NIPAL2: variants seen among roughly 807,000 people sequenced by gnomAD.
NIPAL2 encodes NIPA-like protein 2.
In NIPAL2, 43 loss-of-function variants were observed where a neutral mutation model predicts 48.9. The ratio of observed to expected loss-of-function variants is 0.88; its 90% confidence interval spans 0.69 to 1.13. The LOEUF (loss-of-function observed/expected upper bound fraction) is 1.13, where lower values mean the gene tolerates loss of function less well. Ranked by LOEUF, NIPAL2 falls within the 50% of genes most tolerant of loss-of-function variation. NIPAL2 has a pLI of 0.00. For synonymous variants in NIPAL2, 167 were observed against 174.6 expected (o/e 0.96, Z 0.34); for missense variants, 446 against 461.4 (o/e 0.97, Z 0.31).
chr8:98,227,760 G>A (rs1452536102), intron 4 of NIPAL2, among the ~76,000 whole-genome samples: 2 of 152,220 alleles, frequency 1.3e-5, no homozygotes, highest in East Asian at 3.9e-4. Flanking sequence ...TGCCCAGCTG[G>A]TGTCTCACTG....
At position 98,190,860 on chromosome 8, in the gene NIPAL2, A is replaced by C. The variant is rs562724970; in HGVS notation, c.*2118T>G. On this transcript the variant is annotated 3_prime_UTR_variant, in exon 11 of 11. Coordinates refer to ENST00000430223, the MANE Select transcript of NIPAL2 (RefSeq NM_001321635.2). Reference sequence around the variant, plus strand: ...ACAGTTGGCTAAAGGTCCTCAACTCACAATGCCAAGAGAAGGACTGAGTTG... The same window carrying C: ...ACAGTTGGCTAAAGGTCCTCAACTCCCAATGCCAAGAGAAGGACTGAGTTG... 6.6e-6 allele frequency: 1 copy of C among 152,348 alleles called. No individual in the cohort carries two copies. The highest frequency in any genetic ancestry group is 1.5e-5 in the Non-Finnish European group (1 of 68,040). 9.4% of individuals were successfully genotyped at this position (152,348 alleles called of 1,614,324 possible).
chr8:98,291,171 C>G (rs940337420), intron 1 of NIPAL2, among the ~76,000 whole-genome samples: 2 of 152,168 alleles, frequency 1.3e-5, no homozygotes, highest in Non-Finnish European at 2.9e-5. Context: ...ACCAGTCCTT[C>G]AAAGCAACCC....
intron 3 of NIPAL2, among the ~76,000 whole-genome samples, chr8:98,250,113 C>G (rs1008980494): frequency 3.9e-5 from 6 of 152,124 alleles, no homozygotes; most frequent in Non-Finnish European, 5.9e-5. Context: ...GTCTCTCTCT[C>G]TCTCTGTCTC....
rs1047607018 is a variant in NIPAL2 at position 98,189,842 on chromosome 8, T to G, written c.*3136A>C. ...CATTCTGGGTCACTGCTTGAGAAAT[T>G]TTTTTATTGTATTTGTTTTCAAGTG... On this transcript the variant is annotated 3_prime_UTR_variant, in exon 11 of 11. Transcript: ENST00000430223. 6.6e-6 allele frequency: 1 copy of G among 152,162 alleles called. No individual in the cohort carries two copies. Among genetic ancestry groups the G allele is most frequent in the Non-Finnish European group, 1.5e-5 (1 of 68,034 alleles). 9.4% of individuals were successfully genotyped at this position (152,162 alleles called of 1,614,324 possible). A position where few individuals can be genotyped will look rare whatever the true frequency, so the allele number is the denominator to read the frequency against.
intron 1 of NIPAL2, among the ~76,000 whole-genome samples, chr8:98,277,999 T>C (rs1327735927): frequency 1.3e-5 from 2 of 152,234 alleles, no homozygotes; most frequent in Non-Finnish European, 2.9e-5. Flanking sequence ...TAAAATTCTT[T>C]GAATTGCAAA....
chr8:98,252,654 C>A lies in NIPAL2; in HGVS notation c.205-20G>T. Reference sequence around the variant, plus strand: ...ATATTTCTGAAAGTAAATCAGAAGACAAATAAGAAAACATTCTGAGCTATG... The same window carrying A: ...ATATTTCTGAAAGTAAATCAGAAGAAAAATAAGAAAACATTCTGAGCTATG... On this transcript the variant is annotated intron_variant, in intron 2 of 10. Transcript: ENST00000430223. 1 of 1,596,096 alleles carries A rather than the reference C, an allele frequency of 6.3e-7. No individual in the cohort carries two copies. Among genetic ancestry groups the A allele is most frequent in the Non-Finnish European group, 8.5e-7 (1 of 1,173,774 alleles).
chr8:98,231,978 C>T (rs978782270), intron 4 of NIPAL2: 1 of 152,060 alleles, frequency 6.6e-6, no homozygotes, highest in Non-Finnish European at 1.5e-5. Flanking sequence ...TGGTTTTAGT[C>T]CCTATAAAGA....
At chr8:98,230,551 T>C (rs1023376247) in intron 4 of NIPAL2, among the ~76,000 whole-genome samples, 1 of 152,242 alleles carries the variant, frequency 6.6e-6, no homozygotes, top group Non-Finnish European at 1.5e-5. Flanking sequence ...TTTCTAAACA[T>C]ATTTGACCAT....
intron 3 of NIPAL2, among the ~76,000 whole-genome samples, chr8:98,247,581 G>A (rs1813374840): frequency 6.6e-6 from 1 of 152,188 alleles, no homozygotes; most frequent in South Asian, 2.1e-4. Flanking sequence ...CTGACAGATG[G>A]TCCCAGATTG....
intron 1 of NIPAL2, among the ~76,000 whole-genome samples, chr8:98,269,980 T>G (rs1597688): frequency 0.74 from 111,904 of 152,046 alleles, 43,605 homozygotes; most frequent in Non-Finnish European, 0.86. Context: ...GATAACAGTA[T>G]CCAGCTGAAT....
chr8:98,240,094 A>T (rs1231605439), intron 3 of NIPAL2, among the ~76,000 whole-genome samples: 1 of 152,250 alleles, frequency 6.6e-6, no homozygotes, highest in East Asian at 1.9e-4. Flanking sequence ...ATCACTTAAA[A>T]AGCATGAAAA....
At chr8:98,276,062 T>G (rs549894279) in intron 1 of NIPAL2, among the ~76,000 whole-genome samples, 12 of 152,200 alleles carry the variant, frequency 7.9e-5, no homozygotes, top group Non-Finnish European at 1.5e-4. Flanking sequence ...AGTAATACAT[T>G]TGTTACATTT....
At chr8:98,262,254 A>G (rs1420815946) in intron 1 of NIPAL2, among the ~76,000 whole-genome samples, 8 of 152,152 alleles carry the variant, frequency 5.3e-5, no homozygotes, top group Non-Finnish European at 4.4e-5. Context: ...CATCATAACG[A>G]CAGGATCAAA....
intron 1 of NIPAL2, among the ~76,000 whole-genome samples, chr8:98,289,278 G>A (rs1017509560): frequency 6.6e-6 from 1 of 152,064 alleles, no homozygotes; most frequent in Non-Finnish European, 1.5e-5. Context: ...CCATAGCCTG[G>A]ATTCAGCTGA....
Position 98,234,632 on chromosome 8 carries a change from C to T in NIPAL2, c.436+1523G>A, listed in dbSNP as rs180796470. On this transcript the variant is annotated intron_variant, in intron 4 of 10. Transcript: ENST00000430223. ...GTGCAATCTTGGTTCACTGCAGCCTCGTCCTCCCAGGCTCAGGTGATCCTC... is the reference window on the plus strand; with the variant it reads ...GTGCAATCTTGGTTCACTGCAGCCTTGTCCTCCCAGGCTCAGGTGATCCTC... Among the ~76,000 whole-genome samples, 6 of 152,058 alleles carry T rather than the reference C, an allele frequency of 3.9e-5. No individual in the cohort carries two copies. The East Asian group carries it at 5.8e-4, about 15-fold the overall frequency.
At chr8:98,202,347 C>G (rs1810843295) in intron 8 of NIPAL2, among the ~76,000 whole-genome samples, 1 of 152,202 alleles carries the variant, frequency 6.6e-6, no homozygotes, top group South Asian at 2.1e-4. Context: ...TCAAGAGGAC[C>G]TTTCAGTTGC....
chr8:98,224,755 C>CTTTTTTTTTTTTTTTTT (rs371936351), intron 4 of NIPAL2, among the ~76,000 whole-genome samples: 11 of 123,764 alleles, frequency 8.9e-5, no homozygotes, highest in African/African-American at 1.2e-4. Flanking sequence ...TCTTTCTTTT[C>CTTTTTTTTTTTTTTTTT]TTTTTTTTTT....
chr8:98,259,515 G>A (rs1292593018), intron 1 of NIPAL2, among the ~76,000 whole-genome samples: 1 of 152,158 alleles, frequency 6.6e-6, no homozygotes, highest in Non-Finnish European at 1.5e-5. Context: ...TTGCAAAAAT[G>A]GACACAATTC....
chr8:98,274,975 T>G (rs911845096), intron 1 of NIPAL2, among the ~76,000 whole-genome samples: 1 of 152,132 alleles, frequency 6.6e-6, no homozygotes, highest in Non-Finnish European at 1.5e-5. Context: ...GCTATTTTTT[T>G]AAACCTTTAA....
Sources: gnomAD v4.1 joint callset for allele counts (sites outside exome capture counted in the v4.1 genomes callset) on GRCh38, gnomAD v4.1.1 for gene constraint, MANE v1.5 for transcripts, NCBI Gene and HGNC (gene_info 2026-07-23, HGNC 2026-07-21) for gene names.